The following PCDHGA5 variants were observed in gnomAD, a reference collection of about 807,000 sequenced individuals.
PCDHGA5 encodes protocadherin gamma subfamily A, 5, also known as protocadherin gamma-A5.
PCDHGA5 carries 36 observed loss-of-function variants against 56.7 expected under a neutral mutation model. The ratio of observed to expected loss-of-function variants is 0.64; its 90% CI spans 0.49 to 0.84. PCDHGA5 has a LOEUF of 0.84. Among genes scored for constraint, PCDHGA5 ranks in the 40% least tolerant of loss-of-function variants. The pLI is 0.00. For synonymous variants in PCDHGA5, 563 were observed against 520.2 expected (o/e 1.08, Z -1.12); for missense variants, 1,305 against 1,201.5 (o/e 1.09, Z -1.27).
intron 1 of PCDHGA5, among the ~76,000 whole-genome samples, chr5:141,400,827 C>G (rs1236536713): frequency 2.0e-5 from 3 of 152,178 alleles, no homozygotes; most frequent in Admixed American, 2.0e-4. Flanking sequence ...TTCGTTGTCT[C>G]ATTCTTTAAC....
intron 1 of PCDHGA5, among the ~76,000 whole-genome samples, chr5:141,379,998 C>A (rs560610207): frequency 7.1e-6 from 1 of 140,462 alleles, no homozygotes; most frequent in South Asian, 2.4e-4. Flanking sequence ...CTCCTGGGTT[C>A]AAGCGATTCT....
chr5:141,454,366 GT>G (rs2098787984), intron 1 of PCDHGA5, among the ~76,000 whole-genome samples: 1 of 152,166 alleles, frequency 6.6e-6, no homozygotes, highest in Admixed American at 6.5e-5. Flanking sequence ...TTAGAAAGGA[GT>G]ATGGCAACTT....
intron 1 of PCDHGA5, chr5:141,413,581 A>T: frequency 1.9e-6 from 3 of 1,613,920 alleles, no homozygotes; most frequent in Non-Finnish European, 2.5e-6. Context: ...CAATGCTCCA[A>T]AATTCCAAGC....
chr5:141,462,872 AG>A (rs1254807813), intron 1 of PCDHGA5, among the ~76,000 whole-genome samples: 54 of 152,272 alleles, frequency 3.5e-4, no homozygotes, highest in Middle Eastern at 6.8e-3. Flanking sequence ...TCTTTCTTTA[AG>A]AACTATTGCA....
chr5:141,426,270 G>A lies in PCDHGA5; in HGVS notation c.2421+59519G>A, dbSNP rs999517850. On this transcript the variant is annotated intron_variant, in intron 1 of 3. Coordinates refer to ENST00000518069, the MANE Select transcript of PCDHGA5 (RefSeq NM_018918.3). Reference sequence around the variant, plus strand: ...TTTTCTCTTAACGTCGGAGACTGCAGCAACGCATGGGAAGGATGGGAAACA... The same window carrying A: ...TTTTCTCTTAACGTCGGAGACTGCAACAACGCATGGGAAGGATGGGAAACA... 2.6e-4 allele frequency: 43 copies of A among 163,626 alleles called. 1 individual carries two copies. The highest frequency in any genetic ancestry group is 3.0e-3 in the Middle Eastern group (1 of 328). 10.1% of individuals were successfully genotyped at this position (163,626 alleles called of 1,614,324 possible).
intron 1 of PCDHGA5, among the ~76,000 whole-genome samples, chr5:141,443,873 T>A (rs1250320938): frequency 6.6e-6 from 1 of 152,100 alleles, no homozygotes; most frequent in Non-Finnish European, 1.5e-5. Context: ...AAATTACTGA[T>A]AAGTCAAGAG....
At chr5:141,455,920 C>T (rs941360102) in intron 1 of PCDHGA5, among the ~76,000 whole-genome samples, 1 of 147,944 alleles carries the variant, frequency 6.8e-6, no homozygotes, top group Non-Finnish European at 1.5e-5. Context: ...TATTTTGAGA[C>T]GGAGTCTCGC....
intron 1 of PCDHGA5, among the ~76,000 whole-genome samples, chr5:141,469,600 T>C (rs1276702104): frequency 6.6e-6 from 1 of 151,974 alleles, no homozygotes; most frequent in Non-Finnish European, 1.5e-5. Flanking sequence ...TAAAACAAAA[T>C]AAGTAAAATA....
In PCDHGA5 at chr5:141,478,818, C is replaced by T. The variant is rs980032138; in HGVS notation, c.2422-15989C>T. ...AGCACTCTTTTGCTATCACAACTAA[C>T]CAATCTTGCTAAGGGATGGTTAAGC... On this transcript the variant is annotated intron_variant, in intron 1 of 3. Transcript: ENST00000518069. The T allele has an allele frequency of 2.1e-5, 30 of 1,449,330 alleles. No individual in the cohort carries two copies. The African/African-American group carries it at 3.3e-4, about 16-fold the overall frequency. 89.8% of individuals were successfully genotyped at this position (1,449,330 alleles called of 1,614,324 possible). A position where few individuals can be genotyped will look rare whatever the true frequency, so the allele number is the denominator to read the frequency against.
chr5:141,403,080 A>G, intron 1 of PCDHGA5: 2 of 1,614,078 alleles, frequency 1.2e-6, no homozygotes, highest in Non-Finnish European at 1.7e-6. Flanking sequence ...GAAAAGGGCT[A>G]TATTGTGGGC....
rs776349562 is a variant in PCDHGA5 at position 141,491,131 on chromosome 5, G to T, written c.2422-3676G>T. The T allele has an allele frequency of 6.2e-7, 1 of 1,614,182 alleles. No individual in the cohort carries two copies. Among genetic ancestry groups the T allele is most frequent in the Non-Finnish European group, 8.5e-7 (1 of 1,180,008 alleles). On this transcript the variant is annotated intron_variant, in intron 1 of 3. Coordinates refer to ENST00000518069, the MANE Select transcript of PCDHGA5 (RefSeq NM_018918.3). This position sits in a 1 kb window ranked among gnomAD's most constrained non-coding sequence, Gnocchi z 6.9. ...TACACACACTGGTGAGGTGCGCACA[G>T]CCCGGGCCTTACTGGAGGATGACTC...
chr5:141,476,521 C>T lies in PCDHGA5; in HGVS notation c.2422-18286C>T. On this transcript the variant is annotated intron_variant, in intron 1 of 3. Transcript: ENST00000518069. The surrounding 1 kb of genome is among the most constrained non-coding windows in gnomAD (Gnocchi z 7.6). ...ACATCAACGACAACAATCCTGCTTT[C>T]CCTACCCAGGAAATGAAATTGGAGA... 4 of 1,614,214 alleles carry T rather than the reference C, an allele frequency of 2.5e-6. No homozygotes were observed. The highest frequency in any genetic ancestry group is 3.4e-6 in the Non-Finnish European group (4 of 1,180,036).
chr5:141,375,186 T>C, intron 1 of PCDHGA5: 1 of 1,613,988 alleles, frequency 6.2e-7, no homozygotes, highest in Non-Finnish European at 8.5e-7. Context: ...GTAATCGCCC[T>C]TTTTCAAGTG....
Position 141,366,376 on chromosome 5 carries a change from T to C in PCDHGA5, c.2046T>C (p.Ile682=). ...LADLGSIKTP[I]DPEDLDLTLY... ...ACCTAGGCAGTATCAAGACCCCCAT[T>C]GACCCTGAGGATCTGGACCTCACAC... Residue 682 remains isoleucine (I), a synonymous_variant, in exon 1 of 4, where the codon ATT becomes ATC. Transcript: ENST00000518069. The C allele has an allele frequency of 6.2e-7, 1 of 1,614,132 alleles. No homozygotes were observed. Among genetic ancestry groups the C allele is most frequent in the Middle Eastern group, 1.6e-4 (1 of 6,062 alleles).
At chr5:141,470,016 C>G (rs116065751) in intron 1 of PCDHGA5, among the ~76,000 whole-genome samples, 1 of 152,146 alleles carries the variant, frequency 6.6e-6, no homozygotes, top group Non-Finnish European at 1.5e-5. Context: ...GTAATCCCAG[C>G]TACTCGGGAT....
chr5:141,398,857 C>T (rs749773693), intron 1 of PCDHGA5: 15 of 1,613,800 alleles, frequency 9.3e-6, no homozygotes, highest in African/African-American at 1.3e-5. Flanking sequence ...GGTATTCAAC[C>T]GAGACGTGTA....
chr5:141,435,934 T>A (rs1311888999), intron 1 of PCDHGA5, among the ~76,000 whole-genome samples: 2 of 152,160 alleles, frequency 1.3e-5, no homozygotes, highest in Non-Finnish European at 2.9e-5. Flanking sequence ...CAGTTGCTGC[T>A]TCTGAGACCA....
At chr5:141,396,636 A>G (rs1206522598) in intron 1 of PCDHGA5, 1 of 152,050 alleles carries the variant, frequency 6.6e-6, no homozygotes, top group African/African-American at 2.4e-5. Context: ...AAAAAAAACT[A>G]ATATTAATAG....
In PCDHGA5 at chr5:141,432,002, G is replaced by A. The variant is rs781525225; in HGVS notation, c.2422-62805G>A. On this transcript the variant is annotated intron_variant, in intron 1 of 3. Transcript: ENST00000518069. This position sits in a 1 kb window ranked among gnomAD's most constrained non-coding sequence, Gnocchi z 6.0. ...AGACATAGTCTTGGATAGGGAACAG[G>A]TTCCTAGCTACAACATCACAGTGAC... The A allele has an allele frequency of 1.9e-6, 3 of 1,614,186 alleles. No homozygotes were observed. In the South Asian group the frequency reaches 3.3e-5, roughly 18 times the overall value.
Sources: allele counts gnomAD v4.1 joint callset (sites outside exome capture counted in the v4.1 genomes callset), GRCh38; gene constraint gnomAD v4.1.1; non-coding constraint Gnocchi (gnomAD v3.1); transcripts MANE v1.5; gene names NCBI Gene and HGNC (gene_info 2026-07-23, HGNC 2026-07-21).